DIAPH2: variants seen among roughly 807,000 people sequenced by gnomAD.
DIAPH2 encodes protein diaphanous homolog 2.
Under a neutral mutation model 92.7 loss-of-function variants are expected in DIAPH2, and 35 were observed. That is an observed-to-expected ratio of 0.38 (90% CI 0.29 to 0.50). The LOEUF is 0.50. DIAPH2 is among the 20% of genes least tolerant of loss of function. The pLI is 0.94. For synonymous variants in DIAPH2, 301 were observed against 280.4 expected (o/e 1.07, Z -0.73); for missense variants, 701 against 819.5 (o/e 0.86, Z 1.77).
At position 97,155,592 on chromosome X, in the gene DIAPH2, T is replaced by G. The variant is rs149514285; in HGVS notation, c.2719+13798T>G. 1.7e-3 allele frequency among the ~76,000 whole-genome samples: 195 copies of G among 112,039 alleles called. 1 individual carries two copies. Among genetic ancestry groups the G allele is most frequent in the African/African-American group, 6.3e-3 (193 of 30,862 alleles). On this transcript the variant is annotated intron_variant, in intron 22 of 26. Coordinates refer to ENST00000324765, the MANE Select transcript of DIAPH2 (RefSeq NM_006729.5). ...ATGCAAAGATTTATCACCTTGAAAT[T>G]TATGTGTTTTTGAATGTATGTTATT...
At chrX:96,973,153 C>G (rs936628078) in intron 17 of DIAPH2, among the ~76,000 whole-genome samples, 3 of 111,475 alleles carry the variant, frequency 2.7e-5, no homozygotes, top group Non-Finnish European at 5.6e-5. Flanking sequence ...GTGTAGGCCT[C>G]TGCACCCATG....
Position 96,869,446 on chromosome X carries a change from C to T in DIAPH2, c.448-12133C>T, listed in dbSNP as rs190737750. Among the ~76,000 whole-genome samples the T allele has an allele frequency of 6.4e-3, 697 of 109,686 alleles. 5 individuals are homozygous for T. The highest frequency in any genetic ancestry group is 0.022 in the African/African-American group (673 of 29,936). On this transcript the variant is annotated intron_variant, in intron 4 of 26. Coordinates refer to ENST00000324765, the MANE Select transcript of DIAPH2 (RefSeq NM_006729.5). The stretch of plus-strand genomic sequence containing the variant: ...GCGTGGTGGCGCACGCCTGGAGTCC[C>T]AGCTGCTCAGGAGGCTGAGGCAGGA...
chrX:97,083,313 A>G (rs1004677341), intron 19 of DIAPH2, among the ~76,000 whole-genome samples: 5 of 112,489 alleles, frequency 4.4e-5, no homozygotes, highest in African/African-American at 1.6e-4. Context: ...GGAATACACA[A>G]GGGAAATTTA....
intron 3 of DIAPH2, among the ~76,000 whole-genome samples, chrX:96,751,304 C>T (rs1036620997): frequency 9.0e-6 from 1 of 110,687 alleles, no homozygotes; most frequent in African/African-American, 3.3e-5. Context: ...AGGCTGGGCG[C>T]GGTGGCTCAA....
chrX:96,913,950 T>C (rs5967339), intron 7 of DIAPH2, among the ~76,000 whole-genome samples: 44,590 of 108,978 alleles, frequency 0.41, 7,834 homozygotes, highest in South Asian at 0.56. Context: ...TTCACTTAAT[T>C]ACCTAATTCC....
chrX:97,305,976 A>C (rs2068743803), intron 23 of DIAPH2, among the ~76,000 whole-genome samples: 1 of 110,104 alleles, frequency 9.1e-6, no homozygotes, highest in East Asian at 2.8e-4. Flanking sequence ...TGGCATTTTA[A>C]ATTTTATGTC....
intron 22 of DIAPH2, among the ~76,000 whole-genome samples, chrX:97,236,567 T>C (rs760567475): frequency 6.2e-4 from 62 of 99,612 alleles, no homozygotes; most frequent in African/African-American, 2.3e-3. Flanking sequence ...TTTTTTGAGA[T>C]GGAGTCTCGC....
intron 23 of DIAPH2, among the ~76,000 whole-genome samples, chrX:97,288,426 C>A (rs2147609315): frequency 9.0e-6 from 1 of 111,048 alleles, no homozygotes; most frequent in East Asian, 2.8e-4. Flanking sequence ...GGCCAGGAAT[C>A]AACTAATAGA....
intron 22 of DIAPH2, among the ~76,000 whole-genome samples, chrX:97,223,707 C>T (rs1046613837): frequency 3.6e-5 from 4 of 110,573 alleles, no homozygotes; most frequent in Admixed American, 9.7e-5. Context: ...GTATTTCTAC[C>T]GATTTAAATT....
chrX:96,975,920 T>C (rs2065957323), intron 17 of DIAPH2, among the ~76,000 whole-genome samples: 1 of 111,230 alleles, frequency 9.0e-6, no homozygotes, highest in Admixed American at 9.5e-5. Flanking sequence ...TTGGAACATA[T>C]GAATTTAAGG....
At chrX:96,965,749 A>C (rs1012973535) in intron 17 of DIAPH2, among the ~76,000 whole-genome samples, 4 of 111,884 alleles carry the variant, frequency 3.6e-5, no homozygotes, top group African/African-American at 1.3e-4. Flanking sequence ...TGATTTGATA[A>C]TAGAGTGCTT....
intron 17 of DIAPH2, among the ~76,000 whole-genome samples, chrX:97,041,632 G>A (rs2066449043): frequency 9.0e-6 from 1 of 111,599 alleles, no homozygotes; most frequent in Non-Finnish European, 1.9e-5. Flanking sequence ...CATTAAATCT[G>A]TTGATAGGTG....
chrX:96,961,550 A>AT (rs772116276), intron 16 of DIAPH2, among the ~76,000 whole-genome samples: 1 of 101,784 alleles, frequency 9.8e-6, no homozygotes, highest in Non-Finnish European at 2.0e-5. Context: ...GATCTTTATT[A>AT]TTTTTTTCCT....
At chrX:97,318,715 C>T (rs1442843325) in intron 23 of DIAPH2, among the ~76,000 whole-genome samples, 2 of 108,583 alleles carry the variant, frequency 1.8e-5, no homozygotes, top group African/African-American at 3.4e-5. Context: ...GAACCCCTGA[C>T]CTCAAGTGAT....
intron 13 of DIAPH2, among the ~76,000 whole-genome samples, chrX:96,942,499 A>G (rs1286693161): frequency 9.0e-6 from 1 of 111,260 alleles, no homozygotes; most frequent in Non-Finnish European, 1.9e-5. Flanking sequence ...GTCTTGTAGA[A>G]ATCATGTATA....
At chrX:96,979,234 A>G (rs1032134950) in intron 17 of DIAPH2, among the ~76,000 whole-genome samples, 1 of 112,219 alleles carries the variant, frequency 8.9e-6, no homozygotes, top group Non-Finnish European at 1.9e-5. Flanking sequence ...GATATATACA[A>G]TTTGATTTTA....
intron 17 of DIAPH2, among the ~76,000 whole-genome samples, chrX:97,040,114 GT>G (rs2066438195): frequency 9.2e-6 from 1 of 109,280 alleles, no homozygotes; most frequent in Non-Finnish European, 1.9e-5. Flanking sequence ...GATTTATTGT[GT>G]GGTTCTTTTT....
At chrX:96,995,022 C>T (rs5921097) in intron 17 of DIAPH2, among the ~76,000 whole-genome samples, 43,500 of 110,074 alleles carry the variant, frequency 0.4, 6,546 homozygotes, top group South Asian at 0.56. Flanking sequence ...TGAATGCTAA[C>T]ATTTGAAGGG....
chrX:97,301,939 G>C (rs1462419104), intron 23 of DIAPH2, among the ~76,000 whole-genome samples: 1 of 111,353 alleles, frequency 9.0e-6, no homozygotes, highest in African/African-American at 3.3e-5. Context: ...ATATGGCCGA[G>C]CACAGTGGCT....
Sources: gnomAD v4.1 joint callset for allele counts (sites outside exome capture counted in the v4.1 genomes callset) on GRCh38, gnomAD v4.1.1 for gene constraint, MANE v1.5 for transcripts, NCBI Gene and HGNC (gene_info 2026-07-23, HGNC 2026-07-21) for gene names.